SHQ1: variants seen among roughly 807,000 people sequenced by gnomAD.
SHQ1 encodes the protein SHQ1, H/ACA ribonucleoprotein assembly factor.
Under a neutral mutation model 53.8 loss-of-function variants are expected in SHQ1, and 49 were observed. The observed-to-expected ratio is 0.91, with a 90% confidence interval of 0.72 to 1.16. SHQ1 has a LOEUF of 1.16. SHQ1 is among the 50% of genes most tolerant of loss of function. The pLI is 0.00. For missense variants in SHQ1, 738 were observed against 683.1 expected, an observed-to-expected ratio of 1.08 and a Z score of -0.90; for synonymous variants, 243 against 251.0, an observed-to-expected ratio of 0.97 and a Z score of 0.30.
chr3:72,773,219 C>T (rs1006279629), intron 10 of SHQ1: 22 of 711,656 alleles, frequency 3.1e-5, no homozygotes, highest in East Asian at 7.8e-5. Context: ...CAGAGATAAA[C>T]ATCTTCAACG....
intron 10 of SHQ1, chr3:72,773,084 G>T: frequency 1.2e-6 from 1 of 822,166 alleles, no homozygotes; most frequent in Non-Finnish European, 2.1e-6. Context: ...TCGGAAATGA[G>T]TGAGGAAAAA....
At chr3:72,765,604 C>T (rs1467673378) in intron 10 of SHQ1, among the ~76,000 whole-genome samples, 1 of 136,044 alleles carries the variant, frequency 7.4e-6, no homozygotes, top group Admixed American at 7.8e-5. Context: ...CCCAGGCTGG[C>T]GTGCAGTGGT....
downstream of SHQ1, among the ~76,000 whole-genome samples, chr3:72,748,146 C>A (rs1158843860): frequency 6.6e-6 from 1 of 151,772 alleles, no homozygotes. Context: ...TTGCCCTAGA[C>A]TGAGCACCAC....
At chr3:72,731,907 C>A in the SHQ1 span, among the ~76,000 whole-genome samples, 1 of 151,248 alleles carries the variant, frequency 6.6e-6, no homozygotes, top group Non-Finnish European at 1.5e-5. Flanking sequence ...GATCCTGATT[C>A]TCAAAGGCTG....
Position 72,750,699 on chromosome 3 carries a change from T to C in SHQ1, c.1319A>G (p.His440Arg). 1 of 1,590,336 alleles carries C rather than the reference T, an allele frequency of 6.3e-7. No homozygotes were observed. The change falls in exon 11 of 11, where the codon CAT becomes CGT. Residue 440 changes from histidine (H) to arginine (R), a missense_variant. By Grantham distance (29) the His-to-Arg change is conservative (BLOSUM62 0). Transcript: ENST00000325599. ...AAGTGTCTGCTGCCCAGAAACTGAA[T>C]GGGCTGCTTTTAATGCAGTTTCTTC... ...QEEETALKAA[H>R]SVSGQQTLCS...
rs1053766296 is a variant in SHQ1 at position 72,750,014 on chromosome 3, A to G, written c.*270T>C. 4.6e-6 allele frequency: 2 copies of G among 432,780 alleles called. No individual in the cohort carries two copies. The highest frequency in any genetic ancestry group is 4.1e-6 in the Non-Finnish European group (1 of 242,964). 26.8% of individuals were successfully genotyped at this position (432,780 alleles called of 1,614,324 possible). A position where few individuals can be genotyped will look rare whatever the true frequency, so the allele number is the denominator to read the frequency against. On this transcript the variant is annotated 3_prime_UTR_variant, in exon 11 of 11. Transcript: ENST00000325599. Reference sequence around the variant, plus strand: ...ATCACTAGATTACTTATATTACCCAATACAATGTAAATGCTGTGGAAATAG... The same window carrying G: ...ATCACTAGATTACTTATATTACCCAGTACAATGTAAATGCTGTGGAAATAG...
At chr3:72,848,076 T>C (rs1338549437) in intron 1 of SHQ1, 122 bp downstream of exon 1, 1 of 1,215,382 alleles carries the variant, frequency 8.2e-7, no homozygotes, top group South Asian at 1.4e-5. Flanking sequence ...CAAGAGAAGC[T>C]GCGGAAACGT....
At chr3:72,837,380 G>A (rs1575736972) in intron 4 of SHQ1, among the ~76,000 whole-genome samples, 2 of 152,168 alleles carry the variant, frequency 1.3e-5, no homozygotes, top group Admixed American at 1.3e-4. Context: ...AAATATGAAA[G>A]ACTTCTGTAA....
the SHQ1 span, among the ~76,000 whole-genome samples, chr3:72,731,312 A>G: frequency 6.6e-6 from 1 of 150,702 alleles, no homozygotes; most frequent in Non-Finnish European, 1.5e-5. Flanking sequence ...AATCAAGGCT[A>G]TTAGGTAAGT....
At chr3:72,807,043 G>A (rs1342686799) in intron 9 of SHQ1, among the ~76,000 whole-genome samples, 1 of 152,104 alleles carries the variant, frequency 6.6e-6, no homozygotes, top group African/African-American at 2.4e-5. Flanking sequence ...CTCCTGAGTA[G>A]GCATACATTC....
intron 10 of SHQ1, chr3:72,772,525 G>A (rs1340535765): frequency 1.3e-5 from 8 of 634,088 alleles, no homozygotes; most frequent in Non-Finnish European, 2.4e-5. Flanking sequence ...ATGACAAGTC[G>A]TACACAACCT....
chr3:72,838,657 G>A (rs1169531589), intron 4 of SHQ1, among the ~76,000 whole-genome samples: 2 of 152,078 alleles, frequency 1.3e-5, no homozygotes, highest in Admixed American at 6.6e-5. Flanking sequence ...GCGCCACCAC[G>A]CTCAGCTAAT....
At chr3:72,751,252 A>G (rs1705358528) in intron 10 of SHQ1, among the ~76,000 whole-genome samples, 1 of 151,934 alleles carries the variant, frequency 6.6e-6, no homozygotes. Flanking sequence ...CTCTACTAAA[A>G]ATACAAAAAA....
intron 5 of SHQ1, among the ~76,000 whole-genome samples, chr3:72,828,345 T>C (rs144830520): frequency 2.0e-5 from 3 of 152,076 alleles, no homozygotes; most frequent in African/African-American, 7.2e-5. Flanking sequence ...ATTCAGGCAA[T>C]GTGGGGTCAG....
chr3:72,833,444 TGATAGATAGATA>T (rs56202141), intron 4 of SHQ1, among the ~76,000 whole-genome samples: 15,483 of 140,386 alleles, frequency 0.11, 907 homozygotes, highest in African/African-American at 0.12. Flanking sequence ...CTATCAGAGA[TGATAGATAGATA>T]GATAGATAGA....
chr3:72,772,138 G>GCAGA (rs1705866824), intron 10 of SHQ1, among the ~76,000 whole-genome samples: 1 of 151,946 alleles, frequency 6.6e-6, no homozygotes, highest in Admixed American at 6.6e-5. Context: ...GCCTTACAAT[G>GCAGA]CAGAGATGAT....
intron 9 of SHQ1, among the ~76,000 whole-genome samples, chr3:72,797,214 C>T (rs1196862216): frequency 6.6e-5 from 10 of 152,052 alleles, no homozygotes; most frequent in South Asian, 4.1e-4. Context: ...GCTAAGATCA[C>T]GCCATTGCAC....
chr3:72,756,757 T>A (rs114656437), intron 10 of SHQ1, among the ~76,000 whole-genome samples: 5,709 of 152,326 alleles, frequency 0.037, 139 homozygotes, highest in Non-Finnish European at 0.054. Flanking sequence ...TCCTACAATG[T>A]AACTTAAAAA....
intron 9 of SHQ1, among the ~76,000 whole-genome samples, chr3:72,795,746 T>C (rs994595596): frequency 3.9e-5 from 6 of 152,348 alleles, no homozygotes; most frequent in Admixed American, 1.3e-4. Flanking sequence ...CTCTGCTGTG[T>C]GACACCTCCA....
Sources: gnomAD v4.1 joint callset for allele counts (sites outside exome capture counted in the v4.1 genomes callset) on GRCh38, gnomAD v4.1.1 for gene constraint, MANE v1.5 for transcripts, NCBI Gene and HGNC (gene_info 2026-07-23, HGNC 2026-07-21) for gene names.